The following MSRB3 variants were observed in gnomAD, a reference collection of about 807,000 sequenced individuals.
MSRB3 encodes methionine sulfoxide reductase B3.
In MSRB3, 13 loss-of-function variants were observed where a neutral mutation model predicts 21.0. The observed-to-expected ratio is 0.62, with a 90% confidence interval of 0.40 to 0.98. The LOEUF (loss-of-function observed/expected upper bound fraction) is 0.98, where lower values mean the gene tolerates loss of function less well. Ranked by LOEUF, MSRB3 falls within the 50% of genes least tolerant of loss-of-function variation. MSRB3 has a pLI of 0.00. For missense variants in MSRB3, 199 were observed against 230.3 expected, an observed-to-expected ratio of 0.86 and a Z score of 0.88; for synonymous variants, 87 against 88.6, an observed-to-expected ratio of 0.98 and a Z score of 0.10.
chr12:65,377,602 T>C (rs564175424), intron 5 of MSRB3, among the ~76,000 whole-genome samples: 314 of 152,350 alleles, frequency 2.1e-3, no homozygotes, highest in African/African-American at 6.7e-3. Context: ...GCCTGGTCTA[T>C]AGTCTTGATG....
chr12:65,424,635 T>C (rs970584565), intron 5 of MSRB3, among the ~76,000 whole-genome samples: 4 of 152,086 alleles, frequency 2.6e-5, no homozygotes, highest in Non-Finnish European at 5.9e-5. Flanking sequence ...CCTCCTATTA[T>C]TGATTTTTGG....
At chr12:65,416,637 C>A (rs567132407) in intron 5 of MSRB3, among the ~76,000 whole-genome samples, 3 of 152,264 alleles carry the variant, frequency 2.0e-5, no homozygotes, top group African/African-American at 7.2e-5. Flanking sequence ...TGTATCTGAA[C>A]AGATCTAAAC....
intron 5 of MSRB3, among the ~76,000 whole-genome samples, chr12:65,434,992 C>T (rs1882051886): frequency 6.6e-6 from 1 of 151,682 alleles, no homozygotes; most frequent in Non-Finnish European, 1.5e-5. Flanking sequence ...TGGTGAGGCT[C>T]CAAGTTTTGA....
chr12:65,339,231 A>G (rs1875981855), intron 4 of MSRB3, among the ~76,000 whole-genome samples: 1 of 152,174 alleles, frequency 6.6e-6, no homozygotes, highest in East Asian at 1.9e-4. Context: ...TGCCCTATAC[A>G]TTGTAGGATG....
chr12:65,319,331 T>C (rs1004924080), intron 2 of MSRB3, among the ~76,000 whole-genome samples: 4 of 152,192 alleles, frequency 2.6e-5, no homozygotes, highest in African/African-American at 4.8e-5. Flanking sequence ...CCTTGACTTG[T>C]GCACATTTGA....
intron 6 of MSRB3, among the ~76,000 whole-genome samples, chr12:65,462,822 A>G (rs1386957933): frequency 6.6e-6 from 1 of 152,238 alleles, no homozygotes. Context: ...TTATGCTGCC[A>G]TGTTTCTTAC....
At chr12:65,379,758 T>C (rs1245094757) in intron 5 of MSRB3, among the ~76,000 whole-genome samples, 1 of 152,204 alleles carries the variant, frequency 6.6e-6, no homozygotes, top group Non-Finnish European at 1.5e-5. Context: ...TTGGCTACCA[T>C]TGATGCAGTT....
intron 1 of MSRB3, among the ~76,000 whole-genome samples, chr12:65,290,725 T>A (rs1168655444): frequency 3.3e-5 from 5 of 152,260 alleles, no homozygotes; most frequent in Non-Finnish European, 5.9e-5. Flanking sequence ...TTCTTCATAT[T>A]TGGACAATGC....
chr12:65,348,491 G>A (rs1592549365), intron 4 of MSRB3, among the ~76,000 whole-genome samples: 1 of 151,646 alleles, frequency 6.6e-6, no homozygotes, highest in African/African-American at 2.4e-5. Context: ...TTCTTTATTA[G>A]TCTTGCTAGC....
intron 5 of MSRB3, among the ~76,000 whole-genome samples, chr12:65,394,103 A>G (rs555425618): frequency 4.5e-4 from 68 of 152,290 alleles, no homozygotes; most frequent in African/African-American, 1.5e-3. Flanking sequence ...CCATTTATAT[A>G]AAACATGTTT....
intron 2 of MSRB3, 28 bp from the exon 3 acceptor site, chr12:65,326,798 T>G: frequency 7.0e-6 from 11 of 1,579,706 alleles, no homozygotes; most frequent in African/African-American, 1.3e-5. Context: ...TAAAAAGGCT[T>G]CTTCTCCCAT....
chr12:65,348,386 G>T (rs1174387709), intron 4 of MSRB3, among the ~76,000 whole-genome samples: 1 of 152,144 alleles, frequency 6.6e-6, no homozygotes. Flanking sequence ...GGTGTTTATA[G>T]TATTCTCTGA....
intron 5 of MSRB3, among the ~76,000 whole-genome samples, chr12:65,452,892 G>A (rs772310471): frequency 3.3e-5 from 5 of 152,062 alleles, no homozygotes; most frequent in Admixed American, 6.5e-5. Flanking sequence ...GGGGATTCAG[G>A]CTTCAGCTCA....
At chr12:65,377,399 A>G (rs181967354) in intron 5 of MSRB3, among the ~76,000 whole-genome samples, 7 of 151,986 alleles carry the variant, frequency 4.6e-5, no homozygotes, top group African/African-American at 7.2e-5. Context: ...AGCCTCCCCA[A>G]TAGCTGGGAT....
chr12:65,422,961 C>CTTTTT (rs141803317), intron 5 of MSRB3, among the ~76,000 whole-genome samples: 5 of 124,314 alleles, frequency 4.0e-5, no homozygotes, highest in Admixed American at 8.6e-5. Context: ...TTAGGGTTTT[C>CTTTTT]TTTTTTTTTT....
chr12:65,373,551 G>T (rs1015334920), intron 5 of MSRB3, among the ~76,000 whole-genome samples: 1 of 152,034 alleles, frequency 6.6e-6, no homozygotes, highest in African/African-American at 2.4e-5. Context: ...GGCTGAGAAA[G>T]TGAATAAGCT....
intron 5 of MSRB3, among the ~76,000 whole-genome samples, chr12:65,401,569 C>T (rs1293501185): frequency 1.3e-5 from 2 of 152,116 alleles, no homozygotes; most frequent in African/African-American, 2.4e-5. Flanking sequence ...ATCCAATTTG[C>T]TAGTCTGTGT....
intron 4 of MSRB3, among the ~76,000 whole-genome samples, chr12:65,354,841 C>T (rs973173198): frequency 6.6e-6 from 1 of 151,746 alleles, no homozygotes; most frequent in African/African-American, 2.4e-5. Context: ...AGGATACAAT[C>T]TCATGTTTTC....
chr12:65,393,369 C>T (rs1192839571), intron 5 of MSRB3, among the ~76,000 whole-genome samples: 1 of 152,140 alleles, frequency 6.6e-6, no homozygotes, highest in East Asian at 1.9e-4. Context: ...TGCAGTGGCT[C>T]ACGCCTGTAA....
Sources: allele counts gnomAD v4.1 joint callset (sites outside exome capture counted in the v4.1 genomes callset), GRCh38; gene constraint gnomAD v4.1.1; transcripts MANE v1.5; gene names NCBI Gene and HGNC (gene_info 2026-07-23, HGNC 2026-07-21).